The following CAP2 variants were observed in gnomAD, a reference collection of about 807,000 sequenced individuals.
The protein encoded by CAP2 is adenylyl cyclase-associated protein 2.
In CAP2, 24 loss-of-function variants were observed where a neutral mutation model predicts 57.7. The observed-to-expected ratio is 0.42, with a 90% CI of 0.30 to 0.58. The LOEUF is 0.58. Ranked by LOEUF, CAP2 falls within the 20% of genes least tolerant of loss-of-function variation. The pLI is 0.22. For synonymous variants in CAP2, 194 were observed against 207.2 expected, an observed-to-expected ratio of 0.94 and a Z score of 0.55; for missense variants, 501 against 590.3, an observed-to-expected ratio of 0.85 and a Z score of 1.57.
At chr6:17,407,606 G>A (rs927224426) in intron 1 of CAP2, among the ~76,000 whole-genome samples, 26 of 151,616 alleles carry the variant, frequency 1.7e-4, no homozygotes, top group African/African-American at 3.6e-4. Context: ...GTGAAACCCC[G>A]TCTTTACCAA....
intron 3 of CAP2, among the ~76,000 whole-genome samples, chr6:17,426,979 A>G (rs1759606522): frequency 6.6e-6 from 1 of 152,218 alleles, no homozygotes; most frequent in South Asian, 2.1e-4. Context: ...GAAACAGATG[A>G]TATATACAAA....
chr6:17,416,307 T>A (rs949832682), intron 1 of CAP2, among the ~76,000 whole-genome samples: 3 of 152,124 alleles, frequency 2.0e-5, no homozygotes, highest in Non-Finnish European at 4.4e-5. Flanking sequence ...ATTTCAAATA[T>A]AACTATTCCC....
At chr6:17,450,886 C>T (rs554213715) in intron 3 of CAP2, among the ~76,000 whole-genome samples, 1 of 152,220 alleles carries the variant, frequency 6.6e-6, no homozygotes, top group African/African-American at 2.4e-5. Context: ...TGTGCTTTGG[C>T]TAAGGTAGAG....
chr6:17,407,495 G>A (rs996427576), intron 1 of CAP2, among the ~76,000 whole-genome samples: 1 of 149,006 alleles, frequency 6.7e-6, no homozygotes, highest in Non-Finnish European at 1.5e-5. Context: ...AAAAAAAAAT[G>A]GCCAGGCGCA....
intron 3 of CAP2, among the ~76,000 whole-genome samples, chr6:17,458,885 G>A (rs9465038): frequency 0.14 from 17,484 of 128,798 alleles, 3,522 homozygotes; most frequent in African/African-American, 0.46. Flanking sequence ...CCACAAAGGA[G>A]CAAAAAAAAA....
intron 4 of CAP2, among the ~76,000 whole-genome samples, chr6:17,479,607 ATTTTTTT>A (rs11336517): frequency 1.6e-5 from 2 of 126,466 alleles, no homozygotes; most frequent in East Asian, 2.1e-4. Context: ...CTGCTTTTTA[ATTTTTTT>A]TTTTTTTTTT....
intron 4 of CAP2, among the ~76,000 whole-genome samples, chr6:17,488,489 C>T (rs1761474285): frequency 6.6e-6 from 1 of 152,016 alleles, no homozygotes; most frequent in South Asian, 2.1e-4. Context: ...AGCTCAGGGC[C>T]AGGAAAATGG....
intron 6 of CAP2, 26 bp downstream of exon 6, chr6:17,507,752 AT>A (rs1210224269): frequency 1.6e-6 from 2 of 1,275,168 alleles, no homozygotes; most frequent in African/African-American, 2.9e-5. Flanking sequence ...TACTCACCAA[AT>A]TTTCAGTTGA....
chr6:17,553,632 CAAA>C (rs1190269006), intron 12 of CAP2, among the ~76,000 whole-genome samples: 1 of 104,020 alleles, frequency 9.6e-6, no homozygotes, highest in African/African-American at 3.5e-5. Flanking sequence ...GACTCCATCT[CAAA>C]AAAAAAAAAA....
intron 11 of CAP2, among the ~76,000 whole-genome samples, chr6:17,545,360 GA>G (rs1763015964): frequency 1.3e-5 from 2 of 152,042 alleles, no homozygotes; most frequent in East Asian, 3.9e-4. Flanking sequence ...CATCACATCT[GA>G]AATACACAAC....
chr6:17,466,296 C>T (rs1021776029), intron 4 of CAP2, among the ~76,000 whole-genome samples: 5 of 152,186 alleles, frequency 3.3e-5, no homozygotes, highest in Non-Finnish European at 5.9e-5. Context: ...CCAACTTTAG[C>T]GTGCATGACA....
intron 4 of CAP2, among the ~76,000 whole-genome samples, 187 bp from the exon 5 acceptor site, chr6:17,506,982 C>G (rs1762003911): frequency 6.6e-6 from 1 of 152,202 alleles, no homozygotes; most frequent in African/African-American, 2.4e-5. Context: ...ATACTTCAGA[C>G]AGTAAAAGCA....
intron 3 of CAP2, among the ~76,000 whole-genome samples, chr6:17,434,318 T>A (rs1372157020): frequency 6.6e-6 from 1 of 151,010 alleles, no homozygotes; most frequent in Non-Finnish European, 1.5e-5. Flanking sequence ...AACCTCCGCC[T>A]CCCAGGTTCA....
At chr6:17,434,818 TCAAA>T (rs1177662689) in intron 3 of CAP2, among the ~76,000 whole-genome samples, 1 of 151,760 alleles carries the variant, frequency 6.6e-6, no homozygotes, top group Non-Finnish European at 1.5e-5. Context: ...TACAATGAAC[TCAAA>T]CAAATTTACA....
intron 1 of CAP2, among the ~76,000 whole-genome samples, chr6:17,394,748 G>GATACAACGGTA (rs545349994): frequency 0.028 from 4,261 of 152,284 alleles, 77 homozygotes; most frequent in Non-Finnish European, 0.04. Context: ...AGCCCACTTA[G>GATACAACGGTA]TGTAAAATTA....
At chr6:17,531,512 C>T in intron 7 of CAP2, 1 of 1,505,362 alleles carries the variant, frequency 6.6e-7, no homozygotes, top group South Asian at 1.1e-5. Context: ...CCTTGCCTTT[C>T]AAAGCATCTT....
intron 4 of CAP2, among the ~76,000 whole-genome samples, chr6:17,472,973 A>G (rs907651631): frequency 6.6e-6 from 1 of 151,984 alleles, no homozygotes; most frequent in African/African-American, 2.4e-5. Flanking sequence ...TTAGAAACCC[A>G]GGACTGTGGA....
chr6:17,417,193 A>G (rs1015997473), intron 1 of CAP2, among the ~76,000 whole-genome samples: 5 of 152,132 alleles, frequency 3.3e-5, no homozygotes, highest in African/African-American at 1.2e-4. Flanking sequence ...TCTCATTATA[A>G]TGAAACTCAA....
At chr6:17,410,006 A>G (rs1408976131) in intron 1 of CAP2, among the ~76,000 whole-genome samples, 1 of 152,128 alleles carries the variant, frequency 6.6e-6, no homozygotes, top group East Asian at 1.9e-4. Context: ...GCGCATAATG[A>G]ATGTTCCATC....
Sources: gnomAD v4.1 joint callset for allele counts (sites outside exome capture counted in the v4.1 genomes callset) on GRCh38, gnomAD v4.1.1 for gene constraint, MANE v1.5 for transcripts, NCBI Gene and HGNC (gene_info 2026-07-23, HGNC 2026-07-21) for gene names.